Variants in MYBPC1 observed in about 807,000 individuals in gnomAD.
MYBPC1 encodes the protein myosin-binding protein C, slow-type.
A neutral mutation model predicts 147.1 loss-of-function variants in MYBPC1; 52 were observed. The ratio of observed to expected loss-of-function variants is 0.35; its 90% CI spans 0.28 to 0.45. The LOEUF (loss-of-function observed/expected upper bound fraction) is 0.45, where lower values mean the gene tolerates loss of function less well. MYBPC1 is among the 20% of genes least tolerant of loss of function. The probability of loss-of-function intolerance (pLI) is 1.00; values close to 1 mark genes in which losing one functional copy is unlikely to be tolerated. For synonymous variants in MYBPC1, 477 were observed against 475.9 expected (o/e 1.00, Z -0.03); for missense variants, 1,228 against 1,440.3 (o/e 0.85, Z 2.39).
chr12:101,613,240 C>T (rs928355828), intron 1 of MYBPC1, among the ~76,000 whole-genome samples: 1 of 152,126 alleles, frequency 6.6e-6, no homozygotes, highest in Non-Finnish European at 1.5e-5. Flanking sequence ...TTTTTCTATG[C>T]TCATTCCAGC....
intron 28 of MYBPC1, 85 bp downstream of exon 28, chr12:101,678,323 A>G: frequency 6.4e-7 from 1 of 1,562,846 alleles, no homozygotes. Context: ...AAACAAATCC[A>G]GCTGCTACTT....
chr12:101,687,689 A>G (rs1951372181), downstream of MYBPC1, among the ~76,000 whole-genome samples: 1 of 152,342 alleles, frequency 6.6e-6, no homozygotes. Context: ...TGGTCCCTGC[A>G]GCCCAGCTGC....
intron 24 of MYBPC1, among the ~76,000 whole-genome samples, chr12:101,671,658 C>T (rs770586727): frequency 6.6e-6 from 1 of 152,170 alleles, no homozygotes; most frequent in East Asian, 1.9e-4. Flanking sequence ...CAGCCCCAAC[C>T]CTGCACTGGG....
intron 26 of MYBPC1, among the ~76,000 whole-genome samples, chr12:101,675,905 C>T (rs1026678182): frequency 1.3e-5 from 2 of 152,166 alleles, no homozygotes; most frequent in South Asian, 2.1e-4. Flanking sequence ...AAGACAGACA[C>T]CAGTTAGAAC....
At chr12:101,688,859 A>G (rs545651037), downstream of MYBPC1, among the ~76,000 whole-genome samples, 2 of 151,422 alleles carry the variant, frequency 1.3e-5, no homozygotes, top group South Asian at 4.2e-4. Context: ...AGGCTGATAT[A>G]TGAGAATAGC....
At chr12:101,633,556 G>A (rs531595200) in intron 8 of MYBPC1, among the ~76,000 whole-genome samples, 1 of 151,858 alleles carries the variant, frequency 6.6e-6, no homozygotes, top group East Asian at 2.0e-4. Flanking sequence ...GCGTGGTGGT[G>A]GGCACCTATA....
chr12:101,663,705 A>G (rs1896966440), intron 22 of MYBPC1, 145 bp downstream of exon 22: 1 of 972,332 alleles, frequency 1.0e-6, no homozygotes, highest in Middle Eastern at 3.1e-4. Flanking sequence ...TGAGATGTAT[A>G]TAAACTAAGC....
chr12:101,600,913 G>C (rs1342551376), intron 1 of MYBPC1, among the ~76,000 whole-genome samples: 2 of 152,134 alleles, frequency 1.3e-5, no homozygotes, highest in Non-Finnish European at 2.9e-5. Context: ...GTGTACCTGA[G>C]AGCATGTGGC....
intron 3 of MYBPC1, among the ~76,000 whole-genome samples, chr12:101,618,558 C>A (rs1386816088): frequency 6.6e-6 from 1 of 152,162 alleles, no homozygotes; most frequent in Non-Finnish European, 1.5e-5. Context: ...AAGGCTCAAC[C>A]AACAGAGCAG....
rs564578074 is a variant in MYBPC1, at chr12:101,602,795, G to A, written c.25+7700G>A. The stretch of plus-strand genomic sequence containing the variant: ...CTTTTACTTGTGGTGATACATCTTC[G>A]CTTTCACCCATAGAAGCTCAGATCA... On this transcript the variant is annotated intron_variant, in intron 1 of 31. Transcript: ENST00000361466. Among the ~76,000 whole-genome samples the A allele has an allele frequency of 7.2e-5, 11 of 152,166 alleles. No individual in the cohort carries two copies. In the South Asian group the frequency reaches 8.3e-4, roughly 11 times the overall value.
rs142400629 is a variant in MYBPC1 at position 101,673,477 on chromosome 12, T to C, written c.2664T>C (p.Asp888=). The C allele has an allele frequency of 6.2e-7, 1 of 1,613,628 alleles. No homozygotes were observed. Among genetic ancestry groups the C allele is most frequent in the African/African-American group, 1.3e-5 (1 of 74,900 alleles). Reference sequence around the variant, plus strand: ...GGAAGAAGGATGGTGCAGAAATTGATAAGAATCAAATAAACATTCGCAACT... The same window carrying C: ...GGAAGAAGGATGGTGCAGAAATTGACAAGAATCAAATAAACATTCGCAACT... ...LTWKKDGAEI[D]KNQINIRNSE... Residue 888 remains aspartate, a synonymous_variant, in exon 25 of 32, where the codon GAT becomes GAC. Coordinates refer to ENST00000361466, the MANE Select transcript of MYBPC1 (RefSeq NM_002465.4).
chr12:101,601,610 G>A (rs1333483902), intron 1 of MYBPC1, among the ~76,000 whole-genome samples: 1 of 152,182 alleles, frequency 6.6e-6, no homozygotes, highest in Non-Finnish European at 1.5e-5. Flanking sequence ...ACTTTGATAA[G>A]ACTTGCCCTT....
At chr12:101,633,003 G>A (rs930282279) in intron 8 of MYBPC1, among the ~76,000 whole-genome samples, 10 of 152,312 alleles carry the variant, frequency 6.6e-5, no homozygotes, top group African/African-American at 2.2e-4. Context: ...CCAAAGGGCT[G>A]GGATTACAGG....
At chr12:101,628,212 C>T (rs555745299) in intron 5 of MYBPC1, 36 of 282,464 alleles carry the variant, frequency 1.3e-4, no homozygotes, top group East Asian at 3.7e-4. Flanking sequence ...TTCATTCATT[C>T]GACAAATTTG....
chr12:101,672,568 C>T (rs1180849704), intron 24 of MYBPC1, among the ~76,000 whole-genome samples: 1 of 152,172 alleles, frequency 6.6e-6, no homozygotes, highest in Non-Finnish European at 1.5e-5. Context: ...ATGATATTGG[C>T]CGGGCACGGT....
In MYBPC1 at chr12:101,644,534, A is replaced by G; in HGVS notation, c.833-130A>G. ...TTCGAAATATAAAGGATAATTTGGA[A>G]GGTTTCTGATTTTTTTCTTGAGATT... On this transcript the variant is annotated intron_variant, in intron 11 of 31. Coordinates refer to ENST00000361466, the MANE Select transcript of MYBPC1 (RefSeq NM_002465.4). The G allele has an allele frequency of 1.0e-5, 8 of 799,686 alleles. No individual in the cohort carries two copies. In the South Asian group the frequency reaches 1.1e-4, roughly 11 times the overall value. The allele number at this position is 799,686 out of a possible 1,614,324, so 49.5% of individuals were successfully genotyped here.
rs1173414533 is a variant in MYBPC1 at position 101,627,774 on chromosome 12, G to T, written c.148G>T (p.Gly50Cys). 6 of 1,613,854 alleles carry T rather than the reference G, an allele frequency of 3.7e-6. No homozygotes were observed. The highest frequency in any genetic ancestry group is 4.2e-6 in the Non-Finnish European group (5 of 1,179,904). Residue 50 changes from glycine to cysteine, a missense_variant, in exon 5 of 32, where the codon GGT (glycine) becomes TGT (cysteine). This residue lies in a region of MYBPC1 where 151 missense variants were observed against 126.1 expected (regional missense o/e 1.20). Coordinates refer to ENST00000361466, the MANE Select transcript of MYBPC1 (RefSeq NM_002465.4). The part of the protein sequence containing the change: ...SPPSALPPGL[G>C]SRALERKDSD... Reference sequence around the variant, plus strand: ...AAATCACACTTTCCTTTCAGGTTTGGGTAGTCGGGCCCTGGAGAGAAAAGA... The same window carrying T: ...AAATCACACTTTCCTTTCAGGTTTGTGTAGTCGGGCCCTGGAGAGAAAAGA...
chr12:101,642,438 G>GAAGA lies in MYBPC1; in HGVS notation c.687_690dup (p.Pro231ArgfsTer17). 6.2e-7 allele frequency: 1 copy of GAAGA among 1,614,126 alleles called. No homozygotes were observed. The highest frequency in any genetic ancestry group is 8.5e-7 in the Non-Finnish European group (1 of 1,180,034). On this transcript the variant is annotated frameshift_variant, in exon 11 of 32. Transcript: ENST00000361466. LOFTEE classifies it high-confidence loss of function. ...GGTTAGGGAGGTGAAGCAGCAGGAG[G>GAAGA]AAGAACCCCAGGTGGACGTATGGGA...
intron 24 of MYBPC1, among the ~76,000 whole-genome samples, chr12:101,673,012 G>A (rs1299616181): frequency 1.3e-5 from 2 of 152,298 alleles, no homozygotes; most frequent in East Asian, 3.9e-4. Context: ...GACGTTAAGT[G>A]GTCAGGAGCT....
Sources: allele counts gnomAD v4.1 joint callset (sites outside exome capture counted in the v4.1 genomes callset), GRCh38; gene constraint gnomAD v4.1.1; regional missense constraint gnomAD v4.1.1; transcripts MANE v1.5; gene names NCBI Gene and HGNC (gene_info 2026-07-23, HGNC 2026-07-21).